MTMR1: variants seen among roughly 807,000 people sequenced by gnomAD.
The protein encoded by MTMR1 is myotubularin related protein 1.
Under a neutral mutation model 51.6 loss-of-function variants are expected in MTMR1, and 17 were observed. The observed-to-expected ratio is 0.33, with a 90% CI of 0.23 to 0.49. The LOEUF (loss-of-function observed/expected upper bound fraction) is 0.49. MTMR1 is among the 20% of genes least tolerant of loss of function. The pLI, the probability that MTMR1 is intolerant of heterozygous loss-of-function variation, is 0.99. For missense variants in MTMR1, 386 were observed against 526.9 expected, an observed-to-expected ratio of 0.73 and a Z score of 2.62; for synonymous variants, 201 against 205.6, an observed-to-expected ratio of 0.98 and a Z score of 0.19.
chrX:150,696,933 A>G (rs1222715907), intron 1 of MTMR1, among the ~76,000 whole-genome samples: 2 of 111,460 alleles, frequency 1.8e-5, no homozygotes, highest in African/African-American at 3.3e-5. Flanking sequence ...GCTTTCCCCC[A>G]CAGAAGCCTG....
At chrX:150,757,191 GC>G (rs1452765886) in intron 15 of MTMR1, among the ~76,000 whole-genome samples, 1 of 112,202 alleles carries the variant, frequency 8.9e-6, no homozygotes, top group East Asian at 2.8e-4. Flanking sequence ...CAGCTGCCTG[GC>G]CCTGGAACCT....
intron 1 of MTMR1, among the ~76,000 whole-genome samples, chrX:150,694,657 A>C (rs782227526): frequency 7.1e-5 from 8 of 112,509 alleles, no homozygotes; most frequent in Non-Finnish European, 1.5e-4. Context: ...AATATATTTT[A>C]ATAAATTAAT....
At position 150,744,471 on chromosome X, in the gene MTMR1, T is replaced by C; in HGVS notation, c.1566+18T>C. ...CAAGGCAGGTGAGAGATTTCAAGTA[T>C]ATTTCTATATAGTCTTTGCTTTAAA... On this transcript the variant is annotated intron_variant, in intron 13 of 15. Coordinates refer to ENST00000445323, the MANE Select transcript of MTMR1 (RefSeq NM_001306144.3). 1 of 1,115,362 alleles carries C rather than the reference T, an allele frequency of 9.0e-7. No homozygotes were observed. The highest frequency in any genetic ancestry group is 1.2e-6 in the Non-Finnish European group (1 of 809,514). The allele number at this position is 1,115,362 out of a possible 1,213,427, so 91.9% of individuals were successfully genotyped here. A position where few individuals can be genotyped will look rare whatever the true frequency, so the allele number is the denominator to read the frequency against.
chrX:150,746,383 C>T (rs1272014000), intron 13 of MTMR1, among the ~76,000 whole-genome samples: 3 of 111,739 alleles, frequency 2.7e-5, no homozygotes, highest in Non-Finnish European at 3.8e-5. Flanking sequence ...AAGGTAGCAG[C>T]AAACACACTC....
chrX:150,723,371 G>T (rs908606751), intron 4 of MTMR1, among the ~76,000 whole-genome samples: 25 of 110,856 alleles, frequency 2.3e-4, no homozygotes, highest in Non-Finnish European at 4.0e-4. Context: ...TATGTACCCA[G>T]TAATGGGATG....
At chrX:150,752,031 C>T (rs940926826) in intron 14 of MTMR1, among the ~76,000 whole-genome samples, 20 of 106,475 alleles carry the variant, frequency 1.9e-4, no homozygotes, top group Admixed American at 5.1e-4. Flanking sequence ...ATTCTCCTGC[C>T]GCAGCCTCCC....
Position 150,731,512 on chromosome X carries a change from A to G in MTMR1, c.784A>G (p.Asn262Asp). The change falls in exon 9 of 16, where the codon AAT (asparagine) becomes GAT (aspartate). Residue 262 changes from asparagine (N) to aspartate (D), a missense_variant. Transcript: ENST00000445323. ...TTGGAAAATATCCAAAATAAACAGT[A>G]ATTATGAGTTCTGTGACACCTACCC... ...ESWKISKINS[N>D]YEFCDTYPAI... is the part of the protein sequence containing the mutation. 8.3e-7 allele frequency: 1 copy of G among 1,206,829 alleles called. No homozygotes were observed. Among genetic ancestry groups the G allele is most frequent in the African/African-American group, 1.7e-5 (1 of 57,678 alleles).
At chrX:150,762,020 G>A (rs2043151629) in intron 15 of MTMR1, among the ~76,000 whole-genome samples, 1 of 112,768 alleles carries the variant, frequency 8.9e-6, no homozygotes, top group African/African-American at 3.2e-5. Context: ...CCCCCTGCCG[G>A]CACTGCCCGC....
chrX:150,740,556 G>A (rs902521922), intron 12 of MTMR1, among the ~76,000 whole-genome samples: 6 of 111,250 alleles, frequency 5.4e-5, no homozygotes, highest in Admixed American at 3.8e-4. Context: ...TATGGATAGC[G>A]AATCTGTGAT....
rs72612723 is a variant in MTMR1, at chrX:150,760,466, G to A, written c.1858-2099G>A. On this transcript the variant is annotated intron_variant, in intron 15 of 15. Coordinates refer to ENST00000445323, the MANE Select transcript of MTMR1 (RefSeq NM_001306144.3). ...GGCTGGGTGTGGAAGGCCCAGGGGC[G>A]TCCTATTTCCTTTGGGACTGTCTTG... Among the ~76,000 whole-genome samples, 189 of 111,921 alleles carry A rather than the reference G, an allele frequency of 1.7e-3. No individual in the cohort carries two copies. The East Asian group carries it at 0.035, about 21-fold the overall frequency.
At chrX:150,738,939 A>G (rs782691729) in intron 12 of MTMR1, among the ~76,000 whole-genome samples, 35 of 112,218 alleles carry the variant, frequency 3.1e-4, no homozygotes, top group Non-Finnish European at 5.3e-4. Context: ...TTTTAGTCCA[A>G]CTGGCAGCTA....
At chrX:150,714,343 G>C in intron 3 of MTMR1, 1 of 296,913 alleles carries the variant, frequency 3.4e-6, no homozygotes, top group Non-Finnish European at 6.0e-6. Context: ...GATTTGCAAA[G>C]TCATGAAAGG....
intron 15 of MTMR1, among the ~76,000 whole-genome samples, chrX:150,762,013 C>G (rs782340216): frequency 1.8e-5 from 2 of 112,789 alleles, no homozygotes; most frequent in African/African-American, 3.2e-5. Context: ...TCCCCACCCC[C>G]CTGCCGGCAC....
Position 150,762,693 on chromosome X carries a change from C to T in MTMR1, c.1986C>T (p.Pro662=), listed in dbSNP as rs782748859. The change falls in exon 16 of 16, where the codon CCC becomes CCT. Residue 662 remains proline, a synonymous_variant. Coordinates refer to ENST00000445323, the MANE Select transcript of MTMR1 (RefSeq NM_001306144.3). ...VSSSSERGSS[P]SHSATSVHTS... is the part of the protein sequence containing the mutation. Reference sequence around the variant, plus strand: ...CCTCATCTGAGCGGGGCTCCTCGCCCTCCCACTCCGCCACCTCCGTCCACA... The same window carrying T: ...CCTCATCTGAGCGGGGCTCCTCGCCTTCCCACTCCGCCACCTCCGTCCACA... 4.1e-5 allele frequency: 49 copies of T among 1,184,195 alleles called. No individual in the cohort carries two copies. The highest frequency in any genetic ancestry group is 5.1e-5 in the Non-Finnish European group (45 of 880,156).
intron 2 of MTMR1, among the ~76,000 whole-genome samples, chrX:150,705,497 A>G (rs1348351455): frequency 8.9e-6 from 1 of 112,532 alleles, no homozygotes; most frequent in Non-Finnish European, 1.9e-5. Context: ...TTTACCTATA[A>G]GGAAAATTAA....
intron 3 of MTMR1, chrX:150,714,561 G>A: frequency 1.1e-6 from 1 of 944,898 alleles, no homozygotes; most frequent in Non-Finnish European, 1.4e-6. Context: ...TCTGTTTGTA[G>A]CTACAGATCG....
Position 150,762,654 on chromosome X carries a change from G to A in MTMR1, c.1947G>A (p.Thr649=), listed in dbSNP as rs1190444696. ...AGGGCCTACAGCGGGAGGTGGCCAC[G>A]CGCGCCGTCTCATCCTCATCTGAGC... The part of the protein sequence containing the change: ...RVEGLQREVA[T]RAVSSSSERG... Residue 649 remains threonine (T), a synonymous_variant, in exon 16 of 16, where the codon ACG becomes ACA. Transcript: ENST00000445323. The A allele has an allele frequency of 9.1e-6, 11 of 1,208,300 alleles. No homozygotes were observed. Among genetic ancestry groups the A allele is most frequent in the African/African-American group, 1.7e-5 (1 of 57,166 alleles).
rs1336486621 is a variant in MTMR1, at chrX:150,764,130, T to G, written c.*1401T>G. ...CCCTGAGGTCAAACCCCAGTGTGAC[T>G]GCATAGCAGTGTTAGCTGGTTGGTT... On this transcript the variant is annotated 3_prime_UTR_variant, in exon 16 of 16. Transcript: ENST00000445323. The G allele has an allele frequency of 8.9e-6, 1 of 112,989 alleles. No individual in the cohort carries two copies. Among genetic ancestry groups the G allele is most frequent in the African/African-American group, 3.2e-5 (1 of 31,096 alleles). 9.3% of individuals were successfully genotyped at this position (112,989 alleles called of 1,213,427 possible).
intron 1 of MTMR1, among the ~76,000 whole-genome samples, chrX:150,698,674 GCGCGCGCACACACACACACA>G (rs1300995004): frequency 9.8e-4 from 60 of 61,211 alleles, no homozygotes; most frequent in South Asian, 6.0e-3. Context: ...CTGTCTACAC[GCGCGCGCACACACACACACA>G]CACACACACA....
Sources: allele counts gnomAD v4.1 joint callset (sites outside exome capture counted in the v4.1 genomes callset), GRCh38; gene constraint gnomAD v4.1.1; transcripts MANE v1.5; gene names NCBI Gene and HGNC (gene_info 2026-07-23, HGNC 2026-07-21).